RPTOR: variants seen among roughly 807,000 people sequenced by gnomAD.
RPTOR encodes regulatory associated protein of MTOR complex 1.
In RPTOR, 21 loss-of-function variants were observed where a neutral mutation model predicts 169.9. The ratio of observed to expected loss-of-function variants is 0.12; its 90% CI spans 0.09 to 0.18. The LOEUF is 0.18. Ranked by LOEUF, RPTOR falls within the 10% of genes least tolerant of loss-of-function variation. RPTOR has a pLI of 1.00. For synonymous variants in RPTOR, 732 were observed against 753.2 expected (o/e 0.97, Z 0.46); for missense variants, 1,133 against 1,855.9 (o/e 0.61, Z 7.16).
In RPTOR at chr17:80,820,390, C is replaced by T. The variant is rs1352267009; in HGVS notation, c.891-1811C>T. Among the ~76,000 whole-genome samples, 1 of 152,226 alleles carries T rather than the reference C, an allele frequency of 6.6e-6. No homozygotes were observed. ...TCCATGTCCACCCCACGATGCCCCC[C>T]GTGCCCCTTCTCCGTGCTGTTTCCT... On this transcript the variant is annotated intron_variant, in intron 7 of 33. Transcript: ENST00000306801. The surrounding 1 kb of genome is among the most constrained non-coding windows in gnomAD (Gnocchi z 4.1).
intron 13 of RPTOR, among the ~76,000 whole-genome samples, chr17:80,867,798 C>T (rs1318996904): frequency 6.6e-6 from 1 of 152,110 alleles, no homozygotes; most frequent in Non-Finnish European, 1.5e-5. Flanking sequence ...CTTAGGGATA[C>T]ATTCTGACAA....
chr17:80,724,745 G>GC (rs922054703), intron 4 of RPTOR, among the ~76,000 whole-genome samples: 13 of 152,298 alleles, frequency 8.5e-5, no homozygotes, highest in African/African-American at 2.6e-4. Context: ...TGCCCAGTGT[G>GC]CCCCCCGTTC....
At chr17:80,889,465 C>T (rs1045740221) in intron 17 of RPTOR, among the ~76,000 whole-genome samples, 2 of 152,160 alleles carry the variant, frequency 1.3e-5, no homozygotes, top group Non-Finnish European at 2.9e-5. Flanking sequence ...GAAGCCTGGC[C>T]AGTGTGGAGC....
rs1344215273 is a variant in RPTOR at position 80,844,950 on chromosome 17, T to C, written c.1213-1523T>C. On this transcript the variant is annotated intron_variant, in intron 10 of 33. Coordinates refer to ENST00000306801, the MANE Select transcript of RPTOR (RefSeq NM_020761.3). This position sits in a 1 kb window ranked among gnomAD's most constrained non-coding sequence, Gnocchi z 4.7. Reference sequence around the variant, plus strand: ...AAACAACGTAGGGAAGAGAGGATAGTGGATGGGAGAGAGAGGCTGGTAGTT... The same window carrying C: ...AAACAACGTAGGGAAGAGAGGATAGCGGATGGGAGAGAGAGGCTGGTAGTT... Among the ~76,000 whole-genome samples, 1 of 150,506 alleles carries C rather than the reference T, an allele frequency of 6.6e-6. No homozygotes were observed. The highest frequency in any genetic ancestry group is 1.5e-5 in the Non-Finnish European group (1 of 67,750).
At chr17:80,739,729 A>T (rs564976273) in intron 5 of RPTOR, among the ~76,000 whole-genome samples, 5 of 151,682 alleles carry the variant, frequency 3.3e-5, no homozygotes, top group African/African-American at 7.3e-5. Flanking sequence ...AAGGGAAATT[A>T]AAAAAAAATA....
chr17:80,730,754 T>TTTTTTA lies in RPTOR; in HGVS notation c.654+48_654+49insTTTTTA. The TTTTTTA allele has an allele frequency of 4.2e-6, 3 of 721,638 alleles. No individual in the cohort carries two copies. The highest frequency in any genetic ancestry group is 6.6e-6 in the Non-Finnish European group (3 of 457,690). The allele number at this position is 721,638 out of a possible 1,614,324, so 44.7% of individuals were successfully genotyped here. On this transcript the variant is annotated intron_variant, in intron 5 of 33. Coordinates refer to ENST00000306801, the MANE Select transcript of RPTOR (RefSeq NM_020761.3). The surrounding 1 kb of genome is among the most constrained non-coding windows in gnomAD (Gnocchi z 4.2). ...AGCGGTGCTGGGTTTGGTTTTGTTT[T>TTTTTTA]CCCTGGGGGTGGGGTTTGGGTGGGG...
In RPTOR at chr17:80,964,511, TGGAATGTCAG is replaced by T; in HGVS notation, c.*186_*195del. 1.6e-6 allele frequency: 1 copy of T among 635,270 alleles called. No homozygotes were observed. The highest frequency in any genetic ancestry group is 2.8e-6 in the Non-Finnish European group (1 of 362,150). 39.4% of individuals were successfully genotyped at this position (635,270 alleles called of 1,614,324 possible). The stretch of plus-strand genomic sequence containing the variant: ...TTTTGTCTGTCTTCGCTGTCGTGTC[TGGAATGTCAG>T]GGAAGGGGAGGGCTCGGGTTGACGG... On this transcript the variant is annotated 3_prime_UTR_variant, in exon 34 of 34. Transcript: ENST00000306801.
chr17:80,558,679 T>C (rs2084440943), intron 1 of RPTOR, among the ~76,000 whole-genome samples: 1 of 152,132 alleles, frequency 6.6e-6, no homozygotes, highest in Admixed American at 6.6e-5. Context: ...CGTGTCTGTC[T>C]CCTTAGAGGA....
intron 20 of RPTOR, among the ~76,000 whole-genome samples, chr17:80,901,488 A>G (rs1218149687): frequency 6.6e-6 from 1 of 152,148 alleles, no homozygotes; most frequent in Admixed American, 6.5e-5. Context: ...GAAGGAAAGA[A>G]AACAAAGTCG....
chr17:80,702,943 T>G (rs561490380), intron 3 of RPTOR, among the ~76,000 whole-genome samples: 1 of 152,140 alleles, frequency 6.6e-6, no homozygotes, highest in Non-Finnish European at 1.5e-5. Context: ...GCAGCAGTAA[T>G]GTAATAAGTG....
At chr17:80,894,623 G>C (rs1229567110) in intron 20 of RPTOR, among the ~76,000 whole-genome samples, 1 of 152,234 alleles carries the variant, frequency 6.6e-6, no homozygotes, top group African/African-American at 2.4e-5. Context: ...GCTGGTAACA[G>C]ATTTAGGGCT....
chr17:80,660,061 A>T (rs2065710053), intron 3 of RPTOR, among the ~76,000 whole-genome samples: 1 of 152,208 alleles, frequency 6.6e-6, no homozygotes, highest in South Asian at 2.1e-4. Context: ...ATCTGAGGTC[A>T]GGAGTTCGAG....
rs921380503 is a variant in RPTOR, at chr17:80,820,969, C to T, written c.891-1232C>T. On this transcript the variant is annotated intron_variant, in intron 7 of 33. Coordinates refer to ENST00000306801, the MANE Select transcript of RPTOR (RefSeq NM_020761.3). This position sits in a 1 kb window ranked among gnomAD's most constrained non-coding sequence, Gnocchi z 4.1. ...TTTGGAAATCTTTGTTTGAGACTTCCGGCATTGTTTGAGCAGCAGTGCTGC... is the reference window on the plus strand; with the variant it reads ...TTTGGAAATCTTTGTTTGAGACTTCTGGCATTGTTTGAGCAGCAGTGCTGC... Among the ~76,000 whole-genome samples, 2 of 152,338 alleles carry T rather than the reference C, an allele frequency of 1.3e-5. No homozygotes were observed. Among genetic ancestry groups the T allele is most frequent in the East Asian group, 3.9e-4 (2 of 5,192 alleles).
chr17:80,783,049 G>A (rs751746649), intron 6 of RPTOR, among the ~76,000 whole-genome samples: 15 of 152,178 alleles, frequency 9.9e-5, no homozygotes, highest in East Asian at 1.9e-4. Context: ...CGTTACCTCC[G>A]TGGAAGAGGT....
At chr17:80,927,732 C>CTGTGTGTGTCTG (rs1555636517) in intron 24 of RPTOR, among the ~76,000 whole-genome samples, 2 of 146,514 alleles carry the variant, frequency 1.4e-5, no homozygotes, top group African/African-American at 2.6e-5. Flanking sequence ...CTGTGTGTTT[C>CTGTGTGTGTCTG]TGTGTGTCTG....
chr17:80,773,865 A>T (rs985208883), intron 6 of RPTOR: 1 of 985,214 alleles, frequency 1.0e-6, no homozygotes, highest in Admixed American at 6.2e-5. Flanking sequence ...GTTGTGCATC[A>T]GAGCTCCCTC....
At chr17:80,681,302 T>C (rs2065895946) in intron 3 of RPTOR, among the ~76,000 whole-genome samples, 1 of 152,074 alleles carries the variant, frequency 6.6e-6, no homozygotes, top group African/African-American at 2.4e-5. Flanking sequence ...AAGAGCAGAG[T>C]GCCTGAGTTG....
rs1017908272 is a variant in RPTOR, at chr17:80,669,423, C to T, written c.348+25613C>T. Among the ~76,000 whole-genome samples, 75 of 152,316 alleles carry T rather than the reference C, an allele frequency of 4.9e-4. 1 individual carries two copies. The highest frequency in any genetic ancestry group is 1.7e-3 in the African/African-American group (71 of 41,584). Reference sequence around the variant, plus strand: ...TTTTGAGACGGAGTTTCACTCTTGTCGCCCAGGCTGGAGTGCAGTGGCGCG... The same window carrying T: ...TTTTGAGACGGAGTTTCACTCTTGTTGCCCAGGCTGGAGTGCAGTGGCGCG... On this transcript the variant is annotated intron_variant, in intron 3 of 33. Transcript: ENST00000306801.
chr17:80,730,029 A>C lies in RPTOR; in HGVS notation c.508-531A>C, dbSNP rs1011549432. 1.8e-4 allele frequency among the ~76,000 whole-genome samples: 27 copies of C among 152,188 alleles called. No individual in the cohort carries two copies. The highest frequency in any genetic ancestry group is 2.9e-5 in the Non-Finnish European group (2 of 68,026). ...GCTGCGGAGGAGCCTGGGGCTAGGG[A>C]TGATGACTTTGGCAGCCACCTGGTG... On this transcript the variant is annotated intron_variant, in intron 4 of 33. Transcript: ENST00000306801. The surrounding 1 kb of genome is among the most constrained non-coding windows in gnomAD (Gnocchi z 4.2).
Sources: allele counts gnomAD v4.1 joint callset (sites outside exome capture counted in the v4.1 genomes callset), GRCh38; gene constraint gnomAD v4.1.1; non-coding constraint Gnocchi (gnomAD v3.1); transcripts MANE v1.5; gene names NCBI Gene and HGNC (gene_info 2026-07-23, HGNC 2026-07-21).